C8orf88: variants seen among roughly 807,000 people sequenced by gnomAD.
C8orf88 encodes chromosome 8 open reading frame 88, also known as uncharacterized protein C8orf88.
Under a neutral mutation model 18.4 loss-of-function variants are expected in C8orf88, and 14 were observed. The observed-to-expected ratio is 0.76, with a 90% CI of 0.50 to 1.19. The LOEUF (loss-of-function observed/expected upper bound fraction) is 1.19. C8orf88 is among the 50% of genes most tolerant of loss of function. The pLI, the probability that C8orf88 is intolerant of heterozygous loss-of-function variation, is 0.00. For missense variants in C8orf88, 116 were observed against 134.7 expected (o/e 0.86, Z 0.69); for synonymous variants, 45 against 42.9 (o/e 1.05, Z -0.19).
intron 4 of C8orf88, 38 bp downstream of exon 4, chr8:90,971,028 A>G: frequency 2.5e-6 from 3 of 1,213,450 alleles, no homozygotes; most frequent in Middle Eastern, 1.9e-4. Context: ...ATGCTAAGAC[A>G]TTCAATGATA....
At chr8:90,968,802 T>A (rs1286828346) in intron 4 of C8orf88, among the ~76,000 whole-genome samples, 2 of 149,234 alleles carry the variant, frequency 1.3e-5, no homozygotes, top group African/African-American at 4.9e-5. Context: ...AACAACCCAG[T>A]TAAAATATTG....
At chr8:90,966,564 A>G (rs1811202572) in intron 4 of C8orf88, among the ~76,000 whole-genome samples, 1 of 148,342 alleles carries the variant, frequency 6.7e-6, no homozygotes, top group African/African-American at 2.5e-5. Flanking sequence ...TAGGCGACTC[A>G]CCAAAAAAAA....
At chr8:90,970,078 C>T (rs1185923836) in intron 4 of C8orf88, among the ~76,000 whole-genome samples, 6 of 151,940 alleles carry the variant, frequency 3.9e-5, no homozygotes, top group East Asian at 1.9e-4. Context: ...GGCAAACATT[C>T]GCTTTAGAAA....
At chr8:90,967,447 TG>T (rs1811217730) in intron 4 of C8orf88, among the ~76,000 whole-genome samples, 1 of 151,840 alleles carries the variant, frequency 6.6e-6, no homozygotes, top group African/African-American at 2.4e-5. Context: ...CCCCTCTTCA[TG>T]TTTTTGGGAA....
intron 4 of C8orf88, among the ~76,000 whole-genome samples, chr8:90,968,011 A>G (rs1811227402): frequency 6.6e-6 from 1 of 151,800 alleles, no homozygotes; most frequent in Non-Finnish European, 1.5e-5. Context: ...AGTGATCTAT[A>G]AATTCAACGC....
chr8:90,970,307 T>C (rs560519619), intron 4 of C8orf88, among the ~76,000 whole-genome samples: 56 of 151,986 alleles, frequency 3.7e-4, no homozygotes, highest in Admixed American at 9.2e-4. Flanking sequence ...TTTTCAAAAA[T>C]TAAGAAATTT....
chr8:90,960,867 A>C lies in C8orf88; in HGVS notation c.224-19T>G. ...ATTCTCTCTGTAGATATTAAACATCAAATATAATGTTAGGAAATGTAGGGC... is the reference window on the plus strand; with the variant it reads ...ATTCTCTCTGTAGATATTAAACATCCAATATAATGTTAGGAAATGTAGGGC... On this transcript the variant is annotated intron_variant, in intron 4 of 5. Coordinates refer to ENST00000517562, the MANE Select transcript of C8orf88 (RefSeq NM_001190972.2). The C allele has an allele frequency of 7.1e-7, 1 of 1,402,934 alleles. No homozygotes were observed. The highest frequency in any genetic ancestry group is 9.7e-7 in the Non-Finnish European group (1 of 1,026,982). 86.9% of individuals were successfully genotyped at this position (1,402,934 alleles called of 1,614,324 possible). A position where few individuals can be genotyped will look rare whatever the true frequency, so the allele number is the denominator to read the frequency against.
intron 3 of C8orf88, among the ~76,000 whole-genome samples, chr8:90,974,396 C>T (rs995514857): frequency 4.6e-5 from 7 of 152,126 alleles, no homozygotes; most frequent in African/African-American, 1.7e-4. Context: ...ACCAGCTGAG[C>T]TCCAAGCCAA....
At chr8:90,965,093 G>T (rs892749213) in intron 4 of C8orf88, among the ~76,000 whole-genome samples, 53 of 151,480 alleles carry the variant, frequency 3.5e-4, no homozygotes, top group African/African-American at 1.2e-3. Flanking sequence ...TTGGTAGAAT[G>T]AATTTTTAAA....
At chr8:90,982,388 A>G (rs1247959337) in intron 1 of C8orf88, among the ~76,000 whole-genome samples, 6 of 152,176 alleles carry the variant, frequency 3.9e-5, no homozygotes, top group East Asian at 1.9e-4. Context: ...CCCTAATACT[A>G]GTATGTAGTA....
At chr8:90,968,225 A>G (rs1435224258) in intron 4 of C8orf88, among the ~76,000 whole-genome samples, 1 of 151,784 alleles carries the variant, frequency 6.6e-6, no homozygotes, top group Non-Finnish European at 1.5e-5. Context: ...GGGCAGGCAT[A>G]TAAAACAAGA....
At chr8:90,965,372 A>G (rs935655717) in intron 4 of C8orf88, among the ~76,000 whole-genome samples, 5 of 151,820 alleles carry the variant, frequency 3.3e-5, no homozygotes. Flanking sequence ...AAAGAAAAAC[A>G]CAGAATTAAG....
At position 90,970,645 on chromosome 8, in the gene C8orf88, T is replaced by G. The variant is rs538840846; in HGVS notation, c.223+421A>C. Among the ~76,000 whole-genome samples the G allele has an allele frequency of 2.6e-5, 4 of 152,162 alleles. No homozygotes were observed. The East Asian group carries it at 7.7e-4, about 29-fold the overall frequency. On this transcript the variant is annotated intron_variant, in intron 4 of 5. Coordinates refer to ENST00000517562, the MANE Select transcript of C8orf88 (RefSeq NM_001190972.2). ...ATGTGCAACTTCCGGGTCATACTCT[T>G]AAGGGAAACTTCCTTTCCCCTTTCC...
chr8:90,970,380 C>G (rs547241760), intron 4 of C8orf88, among the ~76,000 whole-genome samples: 191 of 152,092 alleles, frequency 1.3e-3, no homozygotes, highest in Non-Finnish European at 2.2e-3. Flanking sequence ...ATGGTCTTTT[C>G]ATACTTCAAA....
At chr8:90,978,857 A>G (rs1811391050) in intron 2 of C8orf88, among the ~76,000 whole-genome samples, 2 of 152,206 alleles carry the variant, frequency 1.3e-5, no homozygotes, top group Non-Finnish European at 2.9e-5. Flanking sequence ...AAGAGTTCAG[A>G]GATAAGAGTT....
intron 4 of C8orf88, among the ~76,000 whole-genome samples, chr8:90,966,210 G>A (rs1362709318): frequency 6.6e-6 from 1 of 151,598 alleles, no homozygotes; most frequent in Non-Finnish European, 1.5e-5. Flanking sequence ...GTAGGGACAT[G>A]GATGAAATTG....
rs184423214 is a variant in C8orf88, at chr8:90,966,256, A to T, written c.223+4810T>A. ...TTCTCAGTAAACTATCGCAAGAATAAAAAACCAAACACTGCATATTCTCAC... is the reference window on the plus strand; with the variant it reads ...TTCTCAGTAAACTATCGCAAGAATATAAAACCAAACACTGCATATTCTCAC... On this transcript the variant is annotated intron_variant, in intron 4 of 5. Coordinates refer to ENST00000517562, the MANE Select transcript of C8orf88 (RefSeq NM_001190972.2). Among the ~76,000 whole-genome samples the T allele has an allele frequency of 4.0e-4, 61 of 150,838 alleles. No individual in the cohort carries two copies. The East Asian group carries it at 0.011, about 27-fold the overall frequency.
intron 4 of C8orf88, among the ~76,000 whole-genome samples, chr8:90,964,850 T>C (rs984007725): frequency 3.3e-5 from 5 of 151,322 alleles, no homozygotes; most frequent in African/African-American, 9.7e-5. Context: ...ATTAAATTAA[T>C]ACCCAACACA....
chr8:90,960,741 C>G lies in C8orf88; in HGVS notation c.330+1G>C. ...CAATACAAACTTAGAAAACTACTTA[C>G]TGGTTTTTGCAGTACAATGGGATGA... On this transcript the variant is annotated splice_donor_variant, in intron 5 of 5. Transcript: ENST00000517562. LOFTEE classifies it high-confidence loss of function. 6.6e-7 allele frequency: 1 copy of G among 1,505,134 alleles called. No individual in the cohort carries two copies. The highest frequency in any genetic ancestry group is 1.2e-5 in the South Asian group (1 of 80,558). The allele number at this position is 1,505,134 out of a possible 1,614,324, so 93.2% of individuals were successfully genotyped here.
Sources: gnomAD v4.1 joint callset for allele counts (sites outside exome capture counted in the v4.1 genomes callset) on GRCh38, gnomAD v4.1.1 for gene constraint, MANE v1.5 for transcripts, NCBI Gene and HGNC (gene_info 2026-07-23, HGNC 2026-07-21) for gene names.